Variants in HLTF observed in about 807,000 individuals in gnomAD.
HLTF encodes helicase like transcription factor.
In HLTF, 127 loss-of-function variants were observed where a neutral mutation model predicts 129.4. The ratio of observed to expected loss-of-function variants is 0.98; its 90% CI spans 0.85 to 1.14. HLTF has a LOEUF of 1.14. Ranked by LOEUF, HLTF falls within the 50% of genes most tolerant of loss-of-function variation. The pLI, the probability that HLTF is intolerant of heterozygous loss-of-function variation, is 0.00. For missense variants in HLTF, 1,139 were observed against 1,187.1 expected, an observed-to-expected ratio of 0.96 and a Z score of 0.60; for synonymous variants, 332 against 388.8, an observed-to-expected ratio of 0.85 and a Z score of 1.72.
At chr3:149,080,753 A>C (rs1160744462) in intron 2 of HLTF, among the ~76,000 whole-genome samples, 1 of 152,214 alleles carries the variant, frequency 6.6e-6, no homozygotes, top group African/African-American at 2.4e-5. Context: ...TAAAATATAT[A>C]TGAGCCAAAA....
chr3:149,068,918 A>G (rs1245385145), intron 7 of HLTF, among the ~76,000 whole-genome samples: 1 of 152,194 alleles, frequency 6.6e-6, no homozygotes, highest in Non-Finnish European at 1.5e-5. Flanking sequence ...AGCAGTTTTC[A>G]AAGTGTGGTC....
intron 8 of HLTF, among the ~76,000 whole-genome samples, chr3:149,066,247 T>C (rs897052476): frequency 1.3e-5 from 2 of 152,116 alleles, no homozygotes; most frequent in East Asian, 3.8e-4. Flanking sequence ...GGCTTCATCA[T>C]GTTGGTCAGA....
chr3:149,033,180 T>C (rs1229133620), intron 24 of HLTF, among the ~76,000 whole-genome samples: 1 of 152,082 alleles, frequency 6.6e-6, no homozygotes, highest in East Asian at 1.9e-4. Context: ...AAGTCAAGAA[T>C]GGTCACTATC....
At chr3:149,051,225 T>C (rs1262257752) in intron 14 of HLTF, among the ~76,000 whole-genome samples, 1 of 142,168 alleles carries the variant, frequency 7.0e-6, no homozygotes, top group Non-Finnish European at 1.5e-5. Flanking sequence ...GATAAAAATA[T>C]AAGGAAGTTT....
In HLTF at chr3:149,039,230, C is replaced by A; in HGVS notation, c.2616-1G>T. 6.6e-7 allele frequency: 1 copy of A among 1,520,538 alleles called. No homozygotes were observed. Among genetic ancestry groups the A allele is most frequent in the Non-Finnish European group, 8.8e-7 (1 of 1,134,726 alleles). The allele number at this position is 1,520,538 out of a possible 1,614,324, so 94.2% of individuals were successfully genotyped here. On this transcript the variant is annotated splice_acceptor_variant, in intron 22 of 24. Transcript: ENST00000310053. LOFTEE classifies it high-confidence loss of function. The stretch of plus-strand genomic sequence containing the variant: ...ACGAGTAAACACAAATCCAGAGGCT[C>A]TAAAGGGGGGAAGAAAAGAGACAAG...
rs1340968991 is a variant in HLTF at position 149,041,535 on chromosome 3, A to T, written c.2331T>A (p.His777Gln). ...GGCAAATACAGGGTTTACAAAATAC[A>T]TGTGCACAATGTGTTATCACAGGAA... Reference protein sequence around the residue: ...LTVPVITHCAHVFCKPCICQV... With the variant: ...LTVPVITHCAQVFCKPCICQV... The change falls in exon 20 of 25, where the codon CAT becomes CAA. Residue 777 changes from histidine (H) to glutamine (Q), a missense_variant. Physicochemically the swap from His to Gln is conservative, Grantham distance 24. Coordinates refer to ENST00000310053, the MANE Select transcript of HLTF (RefSeq NM_003071.4). The T allele has an allele frequency of 6.2e-7, 1 of 1,613,416 alleles. No homozygotes were observed. Among genetic ancestry groups the T allele is most frequent in the Non-Finnish European group, 8.5e-7 (1 of 1,179,510 alleles).
chr3:149,078,493 T>C (rs999955882), intron 2 of HLTF, among the ~76,000 whole-genome samples: 1 of 152,094 alleles, frequency 6.6e-6, no homozygotes, highest in Non-Finnish European at 1.5e-5. Flanking sequence ...AAGGTTACAG[T>C]GAGCTATGAT....
Position 149,066,104 on chromosome 3 carries a change from C to T in HLTF, c.991-1238G>A, listed in dbSNP as rs143599779. 1.2e-4 allele frequency among the ~76,000 whole-genome samples: 18 copies of T among 151,578 alleles called. No individual in the cohort carries two copies. The East Asian group carries it at 3.1e-3, about 26-fold the overall frequency. The stretch of plus-strand genomic sequence containing the variant: ...TCTTGTTGCCCAGGCTGGAGTGCAA[C>T]GGCACAATCTCGGCTCATTGAAACC... On this transcript the variant is annotated intron_variant, in intron 8 of 24. Coordinates refer to ENST00000310053, the MANE Select transcript of HLTF (RefSeq NM_003071.4).
chr3:149,032,957 C>CA (rs67952189), intron 24 of HLTF, among the ~76,000 whole-genome samples: 9,779 of 66,956 alleles, frequency 0.15, 783 homozygotes, highest in African/African-American at 0.32. Context: ...AGCGACGTCT[C>CA]AAAAAAAAAA....
rs143125997 is a variant in HLTF at position 149,042,174 on chromosome 3, C to T, written c.2189G>A (p.Gly730Asp). 1,928 of 1,612,796 alleles carry T rather than the reference C, an allele frequency of 1.2e-3. 2 individuals are homozygous for T. Among genetic ancestry groups the T allele is most frequent in the Middle Eastern group, 1.8e-3 (11 of 6,056 alleles). Residue 730 changes from glycine (G) to aspartate (D), a missense_variant, in exon 19 of 25, where the codon GGC becomes GAC. Transcript: ENST00000310053. ...YLLTNAVSSN[G>D]PSGNDTPEEL... ...CAATCAAATTTACCTACCTGAGGGG[C>T]CATTGGAAGACACTGCATTTGTAAG...
chr3:149,048,126 A>G lies in HLTF; in HGVS notation c.1794T>C (p.Ser598=), dbSNP rs1716705233. 1 of 1,612,152 alleles carries G rather than the reference A, an allele frequency of 6.2e-7. No individual in the cohort carries two copies. The highest frequency in any genetic ancestry group is 1.7e-5 in the Admixed American group (1 of 59,778). ...GTTTAAGTTTTAAAAAGGAAAGAAG[A>G]GACCACAAGTCCTTTAAAGAATTCT... ...PIQNSLKDLW[S]LLSFLKLKPF... is the part of the protein sequence containing the mutation. Residue 598 remains serine (S), a synonymous_variant, in exon 17 of 25, where the codon TCT becomes TCC. Transcript: ENST00000310053.
At position 149,034,986 on chromosome 3, in the gene HLTF, C is replaced by T; in HGVS notation, c.2809G>A (p.Ala937Thr). 1.2e-6 allele frequency: 2 copies of T among 1,613,208 alleles called. No individual in the cohort carries two copies. Among genetic ancestry groups the T allele is most frequent in the Non-Finnish European group, 1.7e-6 (2 of 1,179,142 alleles). The change falls in exon 24 of 25, where the codon GCT becomes ACT. Residue 937 changes from alanine to threonine, a missense_variant. By Grantham distance (58) the Ala-to-Thr change is moderately conservative. Coordinates refer to ENST00000310053, the MANE Select transcript of HLTF (RefSeq NM_003071.4). ...VFLMDPAWNP[A>T]AEDQCFDRCH... ...CTGTCAAAGCACTGATCTTCAGCAGCAGGATTCCAGGCCTAACAAGAACAT... is the reference window on the plus strand; with the variant it reads ...CTGTCAAAGCACTGATCTTCAGCAGTAGGATTCCAGGCCTAACAAGAACAT...
rs1317678483 is a variant in HLTF, at chr3:149,030,807, C to A, written c.*1413G>T. On this transcript the variant is annotated 3_prime_UTR_variant, in exon 25 of 25. Coordinates refer to ENST00000310053, the MANE Select transcript of HLTF (RefSeq NM_003071.4). ...CCAGGAAGATTCTAGCTGGCTAATTCACTGTTCCCTTTGAGCAAGAAAACG... is the reference window on the plus strand; with the variant it reads ...CCAGGAAGATTCTAGCTGGCTAATTAACTGTTCCCTTTGAGCAAGAAAACG... 6.6e-6 allele frequency: 1 copy of A among 152,156 alleles called. No homozygotes were observed. The highest frequency in any genetic ancestry group is 2.4e-5 in the African/African-American group (1 of 41,432). The allele number at this position is 152,156 out of a possible 1,614,324, so 9.4% of individuals were successfully genotyped here.
In HLTF at chr3:149,048,111, T is replaced by C; in HGVS notation, c.1809A>G (p.Leu603=). ...LKDLWSLLSF[L]KLKPFIDREW... ...CTCTATCAATAAATGGTTTAAGTTT[T>C]AAAAAGGAAAGAAGAGACCACAAGT... The change falls in exon 17 of 25, where the codon TTA becomes TTG. Residue 603 remains leucine, a synonymous_variant. Coordinates refer to ENST00000310053, the MANE Select transcript of HLTF (RefSeq NM_003071.4). The C allele has an allele frequency of 1.9e-6, 3 of 1,612,828 alleles. No individual in the cohort carries two copies. The highest frequency in any genetic ancestry group is 2.5e-6 in the Non-Finnish European group (3 of 1,179,284).
chr3:149,063,375 C>A, intron 10 of HLTF, 56 bp downstream of exon 10: 2 of 1,170,482 alleles, frequency 1.7e-6, no homozygotes, highest in Middle Eastern at 3.9e-4. Flanking sequence ...CTCTTTTACA[C>A]ATAAGAAAAC....
At chr3:149,056,986 G>A (rs1242955388) in intron 13 of HLTF, among the ~76,000 whole-genome samples, 1 of 151,572 alleles carries the variant, frequency 6.6e-6, no homozygotes, top group Non-Finnish European at 1.5e-5. Context: ...GCGGGCGCCT[G>A]TAGTCCCAGC....
intron 1 of HLTF, among the ~76,000 whole-genome samples, 177 bp downstream of exon 1, chr3:149,086,140 T>C (rs2108085943): frequency 6.6e-6 from 1 of 152,234 alleles, no homozygotes; most frequent in African/African-American, 2.4e-5. Flanking sequence ...TAGGAGCCCC[T>C]ACTCGCCAGC....
At chr3:149,073,169 CA>C in intron 5 of HLTF, 55 bp downstream of exon 5, 1 of 1,198,482 alleles carries the variant, frequency 8.3e-7, no homozygotes, top group Non-Finnish European at 1.2e-6. Flanking sequence ...CTTTTAAATA[CA>C]AACCTGCAAC....
In HLTF at chr3:149,064,901, C is replaced by T. The variant is rs760147934; in HGVS notation, c.991-35G>A. The T allele has an allele frequency of 7.4e-6, 9 of 1,218,818 alleles. No homozygotes were observed. In the African/African-American group the frequency reaches 1.4e-4, roughly 18 times the overall value. The allele number at this position is 1,218,818 out of a possible 1,614,324, so 75.5% of individuals were successfully genotyped here. A position where few individuals can be genotyped will look rare whatever the true frequency, so the allele number is the denominator to read the frequency against. The stretch of plus-strand genomic sequence containing the variant: ...TAGGCATATTTCTTAAACAGTACTG[C>T]TATCAGTTTTAAATAACTTTAAATG... On this transcript the variant is annotated intron_variant, in intron 8 of 24. Coordinates refer to ENST00000310053, the MANE Select transcript of HLTF (RefSeq NM_003071.4).
Sources: allele counts gnomAD v4.1 joint callset (sites outside exome capture counted in the v4.1 genomes callset), GRCh38; gene constraint gnomAD v4.1.1; transcripts MANE v1.5; gene names NCBI Gene and HGNC (gene_info 2026-07-23, HGNC 2026-07-21).